PARD3: variants seen among roughly 807,000 people sequenced by gnomAD.
PARD3 encodes par-3 family cell polarity regulator.
Under a neutral mutation model 155.4 loss-of-function variants are expected in PARD3, and 75 were observed. That is an observed-to-expected ratio of 0.48 (90% CI 0.40 to 0.58). The LOEUF (loss-of-function observed/expected upper bound fraction) is 0.58, where lower values mean the gene tolerates loss of function less well. Among genes scored for constraint, PARD3 ranks in the 20% least tolerant of loss-of-function variants. The pLI is 0.00. For synonymous variants in PARD3, 576 were observed against 610.5 expected (o/e 0.94, Z 0.83); for missense variants, 1,642 against 1,721.7 (o/e 0.95, Z 0.82).
At chr10:34,388,665 G>A (rs1842584991) in intron 7 of PARD3, among the ~76,000 whole-genome samples, 1 of 152,226 alleles carries the variant, frequency 6.6e-6, no homozygotes, top group African/African-American at 2.4e-5. Flanking sequence ...AGCAAATGAA[G>A]TTCTAAACAT....
intron 1 of PARD3, among the ~76,000 whole-genome samples, chr10:34,793,529 G>A (rs778376807): frequency 3.3e-5 from 5 of 152,208 alleles, no homozygotes; most frequent in Non-Finnish European, 7.3e-5. Context: ...CCTCACACCT[G>A]TAATCCCGGC....
chr10:34,495,028 C>A (rs1362233955), intron 3 of PARD3, among the ~76,000 whole-genome samples: 5 of 152,122 alleles, frequency 3.3e-5, no homozygotes, highest in African/African-American at 1.2e-4. Flanking sequence ...AATTTCCAGC[C>A]CCCCAACCCA....
At chr10:34,664,887 T>C (rs1051959499) in intron 2 of PARD3, among the ~76,000 whole-genome samples, 17 of 152,100 alleles carry the variant, frequency 1.1e-4, no homozygotes, top group African/African-American at 4.1e-4. Context: ...ATGTAGAATG[T>C]TGAATCCCCT....
intron 22 of PARD3, among the ~76,000 whole-genome samples, chr10:34,136,354 A>T (rs76773640): frequency 0.01 from 1,576 of 152,250 alleles, 14 homozygotes; most frequent in Non-Finnish European, 0.012. Flanking sequence ...GCTGAAAGAG[A>T]GGAGTTTGTG....
At chr10:34,694,611 C>T (rs992941564) in intron 2 of PARD3, among the ~76,000 whole-genome samples, 1 of 151,232 alleles carries the variant, frequency 6.6e-6, no homozygotes, top group Non-Finnish European at 1.5e-5. Flanking sequence ...TCTGGGACTA[C>T]AGGCACCCGC....
chr10:34,162,026 A>G (rs1292001615), intron 22 of PARD3, among the ~76,000 whole-genome samples: 3 of 152,232 alleles, frequency 2.0e-5, no homozygotes, highest in Non-Finnish European at 4.4e-5. Context: ...TTGGAAATGC[A>G]TGACATATAT....
At chr10:34,183,888 A>C (rs967500378) in intron 22 of PARD3, among the ~76,000 whole-genome samples, 3 of 152,170 alleles carry the variant, frequency 2.0e-5, no homozygotes, top group South Asian at 2.1e-4. Flanking sequence ...TGAAACCAAG[A>C]ACCCTGGGGT....
chr10:34,379,206 A>G (rs1841571361), intron 9 of PARD3, among the ~76,000 whole-genome samples: 1 of 152,174 alleles, frequency 6.6e-6, no homozygotes. Context: ...ATAAAACTGT[A>G]ATGAAAAGTA....
intron 2 of PARD3, among the ~76,000 whole-genome samples, chr10:34,686,961 A>G (rs911281588): frequency 6.6e-6 from 1 of 152,072 alleles, no homozygotes; most frequent in Non-Finnish European, 1.5e-5. Flanking sequence ...AGGCAGAAGA[A>G]TCGCTTGAAC....
intron 2 of PARD3, among the ~76,000 whole-genome samples, chr10:34,558,194 T>C (rs1326867815): frequency 1.3e-5 from 2 of 152,118 alleles, no homozygotes; most frequent in African/African-American, 2.4e-5. Flanking sequence ...GTAATTATAT[T>C]CCCCATTGCA....
At position 34,695,532 on chromosome 10, in the gene PARD3, T is replaced by C. The variant is rs182842713; in HGVS notation, c.222+786A>G. Among the ~76,000 whole-genome samples the C allele has an allele frequency of 2.3e-4, 35 of 150,236 alleles. No individual in the cohort carries two copies. In the East Asian group the frequency reaches 4.7e-3, roughly 20 times the overall value. ...CTTCTACATCCAGAGCCGAACATCC[T>C]GTCACGCATTCTCAAAACGCTGAAC... is the stretch of plus-strand genomic sequence containing the variant. On this transcript the variant is annotated intron_variant, in intron 2 of 24. Coordinates refer to ENST00000374788, the MANE Select transcript of PARD3 (RefSeq NM_001184785.2).
intron 20 of PARD3, chr10:34,312,405 A>G: frequency 6.2e-7 from 1 of 1,611,980 alleles, no homozygotes; most frequent in Non-Finnish European, 8.5e-7. Flanking sequence ...CACGGTACAG[A>G]CACACAGTTA....
At chr10:34,519,202 G>A (rs1050885421) in intron 2 of PARD3, among the ~76,000 whole-genome samples, 4 of 152,138 alleles carry the variant, frequency 2.6e-5, no homozygotes, top group Non-Finnish European at 5.9e-5. Flanking sequence ...CATGGAGTGG[G>A]AGGATAGAAA....
chr10:34,313,604 G>C (rs1034049001), intron 20 of PARD3, among the ~76,000 whole-genome samples: 1 of 152,116 alleles, frequency 6.6e-6, no homozygotes, highest in African/African-American at 2.4e-5. Flanking sequence ...CATGCTGTCT[G>C]TATATGCCAA....
At chr10:34,343,979 TTAA>T in intron 15 of PARD3, 2 of 983,106 alleles carry the variant, frequency 2.0e-6, no homozygotes, top group Non-Finnish European at 2.4e-6. Flanking sequence ...AATAAAAACA[TTAA>T]TGTTTCATTT....
At chr10:34,803,508 T>C (rs1307283434) in intron 1 of PARD3, among the ~76,000 whole-genome samples, 1 of 152,146 alleles carries the variant, frequency 6.6e-6, no homozygotes, top group Non-Finnish European at 1.5e-5. Flanking sequence ...GTTCAGGAGT[T>C]GGCCGGGCGC....
chr10:34,779,129 G>A (rs1440396550), intron 1 of PARD3, among the ~76,000 whole-genome samples: 1 of 151,956 alleles, frequency 6.6e-6, no homozygotes, highest in African/African-American at 2.4e-5. Flanking sequence ...TGGCCAACAT[G>A]GCGAAACCCT....
intron 2 of PARD3, among the ~76,000 whole-genome samples, chr10:34,646,625 T>C (rs2092845572): frequency 6.6e-6 from 1 of 152,216 alleles, no homozygotes; most frequent in African/African-American, 2.4e-5. Flanking sequence ...TGGTCATTAC[T>C]TAGATGGGAG....
intron 2 of PARD3, among the ~76,000 whole-genome samples, chr10:34,658,415 C>T (rs192138477): frequency 7.9e-5 from 12 of 152,154 alleles, no homozygotes; most frequent in Middle Eastern, 6.8e-3. Flanking sequence ...CAGGTAACTG[C>T]AGCACACCTA....
Sources: gnomAD v4.1 joint callset for allele counts (sites outside exome capture counted in the v4.1 genomes callset) on GRCh38, gnomAD v4.1.1 for gene constraint, MANE v1.5 for transcripts, NCBI Gene and HGNC (gene_info 2026-07-23, HGNC 2026-07-21) for gene names.